CUBN: variants seen among roughly 807,000 people sequenced by gnomAD.
CUBN encodes cubilin.
Under a neutral mutation model 405.3 loss-of-function variants are expected in CUBN, and 282 were observed. That is an observed-to-expected ratio of 0.70 (90% confidence interval 0.63 to 0.77). The LOEUF (loss-of-function observed/expected upper bound fraction) is 0.77. Among genes scored for constraint, CUBN ranks in the 30% least tolerant of loss-of-function variants. The pLI is 0.00. For synonymous variants in CUBN, 1,684 were observed against 1,617.0 expected, an observed-to-expected ratio of 1.04 and a Z score of -0.99; for missense variants, 4,514 against 4,475.2, an observed-to-expected ratio of 1.01 and a Z score of -0.25.
Position 16,873,136 on chromosome 10 carries a change from T to C in CUBN, c.9236+1238A>G, listed in dbSNP as rs574352468. On this transcript the variant is annotated intron_variant, in intron 58 of 66. Coordinates refer to ENST00000377833, the MANE Select transcript of CUBN (RefSeq NM_001081.4). ...TAGGTAGGTAGGTAGGTAGGTGTGGTCTTAGCCCATCAGGCTTCTGTATGG... is the reference window on the plus strand; with the variant it reads ...TAGGTAGGTAGGTAGGTAGGTGTGGCCTTAGCCCATCAGGCTTCTGTATGG... Among the ~76,000 whole-genome samples, 61 of 152,140 alleles carry C rather than the reference T, an allele frequency of 4.0e-4. 1 individual carries two copies. In the South Asian group the frequency reaches 8.7e-3, roughly 22 times the overall value.
chr10:16,901,238 C>T, intron 52 of CUBN, 100 bp downstream of exon 52: 3 of 1,519,358 alleles, frequency 2.0e-6, no homozygotes, highest in South Asian at 1.1e-5. Context: ...TCAAAGCCTT[C>T]TCTAATCACT....
At chr10:16,986,616 C>T (rs1381585785) in intron 29 of CUBN, among the ~76,000 whole-genome samples, 1 of 152,164 alleles carries the variant, frequency 6.6e-6, no homozygotes, top group African/African-American at 2.4e-5. Context: ...TGCACTCCCC[C>T]CAAGTCCCAT....
intron 43 of CUBN, among the ~76,000 whole-genome samples, chr10:16,922,881 G>A (rs187011914): frequency 1.1e-4 from 16 of 143,808 alleles, no homozygotes; most frequent in East Asian, 6.1e-4. Flanking sequence ...ACAGGGTCTC[G>A]CTTTGTCACT....
chr10:17,014,672 T>C (rs1019068563), intron 28 of CUBN, among the ~76,000 whole-genome samples: 1 of 152,140 alleles, frequency 6.6e-6, no homozygotes, highest in African/African-American at 2.4e-5. Flanking sequence ...TTTCAAGAGA[T>C]CTAGAGTCGC....
chr10:16,831,280 A>C lies in CUBN; in HGVS notation c.10500T>G (p.Tyr3500Ter). The C allele has an allele frequency of 6.2e-7, 1 of 1,614,172 alleles. No individual in the cohort carries two copies. Among genetic ancestry groups the C allele is most frequent in the South Asian group, 1.1e-5 (1 of 91,082 alleles). The change falls in exon 65 of 67, where the codon TAT becomes TAG. Residue 3500 changes from tyrosine (Y) to a stop codon, truncating the protein, a stop_gained. Coordinates refer to ENST00000377833, the MANE Select transcript of CUBN (RefSeq NM_001081.4). LOFTEE classifies it high-confidence loss of function. ...AGGGTGATGAAGTCCAGATGATTTC[A>C]TATCCACGATCAGAAGTTACACTAT... is the stretch of plus-strand genomic sequence containing the variant. ...KSDSVTSDRG[Y>*]EIIWTSSPSG... is the part of the protein sequence containing the mutation.
chr10:16,941,093 A>G (rs1302503260), intron 36 of CUBN, among the ~76,000 whole-genome samples: 3 of 152,344 alleles, frequency 2.0e-5, no homozygotes, highest in South Asian at 2.1e-4. Context: ...GAGTACTTTC[A>G]AAACTTGGCC....
At chr10:16,889,942 A>AAAAAAAAAAAAAAACAAAACAAAAC (rs1554788548) in intron 55 of CUBN, among the ~76,000 whole-genome samples, 7 of 136,316 alleles carry the variant, frequency 5.1e-5, no homozygotes, top group African/African-American at 2.1e-4. Flanking sequence ...TGTCAAAAAA[A>AAAAAAAAAAAAAAACAAAACAAAAC]AAAAAAAAAA....
intron 27 of CUBN, among the ~76,000 whole-genome samples, chr10:17,025,369 C>G (rs1834631427): frequency 6.6e-6 from 1 of 152,206 alleles, no homozygotes; most frequent in Non-Finnish European, 1.5e-5. Context: ...TGGCCAGAGC[C>G]AGGCTCTGTG....
At chr10:17,032,656 ACT>A (rs1268547546) in intron 27 of CUBN, among the ~76,000 whole-genome samples, 6 of 152,262 alleles carry the variant, frequency 3.9e-5, no homozygotes, top group East Asian at 3.9e-4. Flanking sequence ...GATGCGAATA[ACT>A]CTCTAATGCC....
In CUBN at chr10:16,825,019, A is replaced by C. The variant is rs770075942; in HGVS notation, c.10828T>G (p.Tyr3610Asp). Residue 3610 changes from tyrosine to aspartate, a missense_variant, in exon 67 of 67, where the codon TAT becomes GAT. This residue lies in a region of CUBN where 1,186 missense variants were observed against 1,186.9 expected (regional missense o/e 1.00). Transcript: ENST00000377833. ...CGGAATGCGGATGGACGCCGTGCAT[A>C]ATCAGCATGAAATTTTATGAAGACC... ...NQVFIKFHAD[Y>D]ARRPSAFRLT... 6.2e-7 allele frequency: 1 copy of C among 1,614,056 alleles called. No homozygotes were observed. The highest frequency in any genetic ancestry group is 1.1e-5 in the South Asian group (1 of 91,076).
intron 17 of CUBN, among the ~76,000 whole-genome samples, chr10:17,077,657 A>C (rs1488843973): frequency 2.6e-5 from 4 of 152,188 alleles, no homozygotes; most frequent in African/African-American, 7.2e-5. Flanking sequence ...CTTTCTGTGA[A>C]GTGAGCTTCA....
At chr10:17,093,840 C>A (rs1394652967) in intron 14 of CUBN, among the ~76,000 whole-genome samples, 1 of 152,042 alleles carries the variant, frequency 6.6e-6, no homozygotes, top group Non-Finnish European at 1.5e-5. Context: ...ACAGTACTTA[C>A]AGACTTTCCA....
At position 17,085,579 on chromosome 10, in the gene CUBN, A is replaced by G. The variant is rs117028815; in HGVS notation, c.2110+18T>C. On this transcript the variant is annotated intron_variant, in intron 16 of 66. Coordinates refer to ENST00000377833, the MANE Select transcript of CUBN (RefSeq NM_001081.4). ...GCCTTCAAATCCCTCTTAAGCCCCC[A>G]ACTGGTAGGTTACTTACAAGGTGAT... 1,199 of 1,612,456 alleles carry G rather than the reference A, an allele frequency of 7.4e-4. 1 individual carries two copies. Among genetic ancestry groups the G allele is most frequent in the Admixed American group, 2.4e-3 (145 of 60,020 alleles).
At chr10:17,105,352 C>T in intron 11 of CUBN, 105 bp downstream of exon 11, 1 of 798,142 alleles carries the variant, frequency 1.3e-6, no homozygotes, top group Non-Finnish European at 2.3e-6. Context: ...TTATCTGAAA[C>T]TTGACTCATT....
chr10:16,842,717 G>A (rs565531393), intron 60 of CUBN, among the ~76,000 whole-genome samples: 1 of 152,336 alleles, frequency 6.6e-6, no homozygotes, highest in South Asian at 2.1e-4. Context: ...CTCCTGCTCT[G>A]TCTAAAATGC....
chr10:16,848,144 G>A (rs955017997), intron 60 of CUBN, among the ~76,000 whole-genome samples: 1 of 152,178 alleles, frequency 6.6e-6, no homozygotes, highest in Admixed American at 6.5e-5. Context: ...TGATATTGCA[G>A]TTTCTGGCCT....
intron 28 of CUBN, among the ~76,000 whole-genome samples, chr10:17,007,401 A>G (rs914578730): frequency 1.3e-5 from 2 of 152,224 alleles, no homozygotes; most frequent in Non-Finnish European, 1.5e-5. Context: ...GCCCACAGAT[A>G]AAGCCTCGTT....
At position 17,026,873 on chromosome 10, in the gene CUBN, G is replaced by A. The variant is rs542790381; in HGVS notation, c.4018-6890C>T. The stretch of plus-strand genomic sequence containing the variant: ...ACTCATAGCATGCTCCCTGACATAG[G>A]CACAGAAAAAGCCGCCTTGCCATGT... On this transcript the variant is annotated intron_variant, in intron 27 of 66. Coordinates refer to ENST00000377833, the MANE Select transcript of CUBN (RefSeq NM_001081.4). Among the ~76,000 whole-genome samples the A allele has an allele frequency of 3.9e-5, 6 of 152,280 alleles. No homozygotes were observed. The South Asian group carries it at 1.2e-3, about 32-fold the overall frequency.
In CUBN at chr10:16,935,318, A is replaced by C. The variant is rs183335466; in HGVS notation, c.5927-2034T>G. On this transcript the variant is annotated intron_variant, in intron 39 of 66. Transcript: ENST00000377833. ...AGGCATGCACCACCATGCCTACCTA[A>C]TTTTTTTAATCTTTTGTAGAGATGG... 1.3e-3 allele frequency among the ~76,000 whole-genome samples: 203 copies of C among 151,764 alleles called. 2 individuals carry two copies. The highest frequency in any genetic ancestry group is 4.0e-3 in the African/African-American group (165 of 41,386).
Sources: gnomAD v4.1 joint callset for allele counts (sites outside exome capture counted in the v4.1 genomes callset) on GRCh38, gnomAD v4.1.1 for gene constraint, gnomAD v4.1.1 regional missense constraint, MANE v1.5 for transcripts, NCBI Gene and HGNC (gene_info 2026-07-23, HGNC 2026-07-21) for gene names.